Variants in DHCR24 observed in about 807,000 individuals in gnomAD.
The protein encoded by DHCR24 is delta(24)-sterol reductase.
DHCR24 carries 28 observed loss-of-function variants against 61.2 expected under a neutral mutation model. The ratio of observed to expected loss-of-function variants is 0.46; its 90% CI spans 0.34 to 0.63. DHCR24 has a LOEUF of 0.63. DHCR24 is among the 20% of genes least tolerant of loss of function. The pLI is 0.01. For synonymous variants in DHCR24, 261 were observed against 275.9 expected (o/e 0.95, Z 0.54); for missense variants, 538 against 679.1 (o/e 0.79, Z 2.31).
In DHCR24 at chr1:54,858,846, G is replaced by A. The variant is rs375894508; in HGVS notation, c.1021-4612C>T. ...AGATGGGGTTTCTCCATGTTGGTCA[G>A]GCTGGTCTCAAACTCCTGACCTCAG... is the stretch of plus-strand genomic sequence containing the variant. On this transcript the variant is annotated intron_variant, in intron 6 of 8. Coordinates refer to ENST00000371269, the MANE Select transcript of DHCR24 (RefSeq NM_014762.4). Among the ~76,000 whole-genome samples the A allele has an allele frequency of 2.6e-4, 39 of 152,244 alleles. No individual in the cohort carries two copies. In the East Asian group the frequency reaches 5.8e-3, roughly 23 times the overall value.
At position 54,882,461 on chromosome 1, in the gene DHCR24, C is replaced by T. The variant is rs187070118; in HGVS notation, c.387+1157G>A. ...TTCCTTAAAAAGTTAAATGTACACC[C>T]ACCTTATGATCTAGCCATTCCATTC... is the stretch of plus-strand genomic sequence containing the variant. On this transcript the variant is annotated intron_variant, in intron 2 of 8. Coordinates refer to ENST00000371269, the MANE Select transcript of DHCR24 (RefSeq NM_014762.4). Among the ~76,000 whole-genome samples, 466 of 152,316 alleles carry T rather than the reference C, an allele frequency of 3.1e-3. 1 individual carries two copies. The highest frequency in any genetic ancestry group is 0.011 in the African/African-American group (446 of 41,568).
At chr1:54,856,469 C>T (rs180817085) in intron 6 of DHCR24, among the ~76,000 whole-genome samples, 89 of 152,160 alleles carry the variant, frequency 5.8e-4, no homozygotes, top group African/African-American at 1.9e-3. Context: ...GGCGTGGTGG[C>T]GGGTGCGTGT....
rs137936687 is a variant in DHCR24, at chr1:54,874,589, T to A, written c.612+504A>T. ...CAATGACAAAATTGCCTACAACTTG[T>A]TTCTTATAACATATCCCTACTGTTC... On this transcript the variant is annotated intron_variant, in intron 4 of 8. Coordinates refer to ENST00000371269, the MANE Select transcript of DHCR24 (RefSeq NM_014762.4). 3.9e-4 allele frequency among the ~76,000 whole-genome samples: 60 copies of A among 152,300 alleles called. 1 individual carries two copies. The highest frequency in any genetic ancestry group is 1.7e-3 in the Admixed American group (26 of 15,298).
At chr1:54,877,098 G>A (rs1647037924) in intron 2 of DHCR24, among the ~76,000 whole-genome samples, 1 of 151,844 alleles carries the variant, frequency 6.6e-6, no homozygotes, top group African/African-American at 2.4e-5. Flanking sequence ...CTATCTCAGT[G>A]AGCAGAGGGA....
intron 5 of DHCR24, among the ~76,000 whole-genome samples, chr1:54,866,804 A>C (rs1646970664): frequency 6.6e-6 from 1 of 150,426 alleles, no homozygotes; most frequent in Non-Finnish European, 1.5e-5. Flanking sequence ...GCAGGGAGGA[A>C]ACTGGGGCTA....
intron 8 of DHCR24, among the ~76,000 whole-genome samples, chr1:54,852,620 A>G (rs1273261441): frequency 6.6e-6 from 1 of 152,172 alleles, no homozygotes; most frequent in Non-Finnish European, 1.5e-5. Flanking sequence ...TCAGGAGTAG[A>G]GCTCAGACTG....
chr1:54,883,598 C>T lies in DHCR24; in HGVS notation c.387+20G>A, dbSNP rs769587736. The T allele has an allele frequency of 3.1e-6, 5 of 1,614,070 alleles. No homozygotes were observed. Among genetic ancestry groups the T allele is most frequent in the Non-Finnish European group, 4.2e-6 (5 of 1,180,000 alleles). ...CAGTGCCCCACCTGCTCCCAGAGCCCGGAAAAGTGCTACTCTCACCTGTTT... is the reference window on the plus strand; with the variant it reads ...CAGTGCCCCACCTGCTCCCAGAGCCTGGAAAAGTGCTACTCTCACCTGTTT... On this transcript the variant is annotated intron_variant, in intron 2 of 8. Coordinates refer to ENST00000371269, the MANE Select transcript of DHCR24 (RefSeq NM_014762.4). This position sits in a 1 kb window ranked among gnomAD's most constrained non-coding sequence, Gnocchi z 4.3.
chr1:54,863,538 G>A (rs1456069668), intron 6 of DHCR24, among the ~76,000 whole-genome samples: 1 of 152,158 alleles, frequency 6.6e-6, no homozygotes, highest in Non-Finnish European at 1.5e-5. Flanking sequence ...CACCTGGATA[G>A]CTATAAGCAA....
chr1:54,883,343 G>C lies in DHCR24; in HGVS notation c.387+275C>G, dbSNP rs1397442893. Among the ~76,000 whole-genome samples, 2 of 152,224 alleles carry C rather than the reference G, an allele frequency of 1.3e-5. No individual in the cohort carries two copies. Among genetic ancestry groups the C allele is most frequent in the Non-Finnish European group, 2.9e-5 (2 of 68,052 alleles). ...ACACTTCCTTATCAGGAAGGGGTAA[G>C]TAGATTCCTTTTTGCCTCTCATTTT... On this transcript the variant is annotated intron_variant, in intron 2 of 8. Coordinates refer to ENST00000371269, the MANE Select transcript of DHCR24 (RefSeq NM_014762.4). This position sits in a 1 kb window ranked among gnomAD's most constrained non-coding sequence, Gnocchi z 4.3.
chr1:54,851,964 A>T lies in DHCR24; in HGVS notation c.*269T>A, dbSNP rs1257828242. The stretch of plus-strand genomic sequence containing the variant: ...AACTAATGAAGAGACCCGGGCTCAG[A>T]GGGGTTAAGGGACTCACCCAGAGTC... On this transcript the variant is annotated 3_prime_UTR_variant, in exon 9 of 9. Coordinates refer to ENST00000371269, the MANE Select transcript of DHCR24 (RefSeq NM_014762.4). 1 of 525,000 alleles carries T rather than the reference A, an allele frequency of 1.9e-6. No individual in the cohort carries two copies. Among genetic ancestry groups the T allele is most frequent in the Non-Finnish European group, 3.5e-6 (1 of 289,442 alleles). The allele number at this position is 525,000 out of a possible 1,614,324, so 32.5% of individuals were successfully genotyped here. A position where few individuals can be genotyped will look rare whatever the true frequency, so the allele number is the denominator to read the frequency against.
chr1:54,871,237 A>C, intron 5 of DHCR24, 113 bp downstream of exon 5: 2 of 1,362,792 alleles, frequency 1.5e-6, no homozygotes, highest in African/African-American at 1.4e-5. Context: ...GGGTTGACCC[A>C]GGCAGCAGCC....
rs747327620 is a variant in DHCR24, at chr1:54,853,500, C to T, written c.1331G>A (p.Arg444His). The change falls in exon 8 of 9, where the codon CGT (arginine) becomes CAT (histidine). Residue 444 changes from arginine to histidine, a missense_variant. Physicochemically the swap from Arg to His is conservative, Grantham distance 29. Transcript: ENST00000371269. ...YIDIGAYGEP[R>H]VKHFEARSCM... ...GGACCTGGCTTCAAAGTGTTTCACA[C>T]GCGGCTCCCCATATGCTCCAATGTC... is the stretch of plus-strand genomic sequence containing the variant. 2.9e-5 allele frequency: 47 copies of T among 1,614,110 alleles called. No homozygotes were observed. Among genetic ancestry groups the T allele is most frequent in the East Asian group, 1.6e-4 (7 of 44,896 alleles).
intron 4 of DHCR24, among the ~76,000 whole-genome samples, chr1:54,874,545 C>T (rs1370789935): frequency 1.3e-5 from 2 of 152,172 alleles, no homozygotes; most frequent in African/African-American, 2.4e-5. Flanking sequence ...TATGTAATTA[C>T]ACTCTTATGA....
At position 54,883,413 on chromosome 1, in the gene DHCR24, G is replaced by C. The variant is rs968967273; in HGVS notation, c.387+205C>G. Among the ~76,000 whole-genome samples the C allele has an allele frequency of 2.0e-5, 3 of 152,218 alleles. No individual in the cohort carries two copies. In the South Asian group the frequency reaches 6.2e-4, roughly 32 times the overall value. ...CCTGACTTCCTGTGGAAACGCAAAG[G>C]GTTCCCCTGACCTATTATGACCCAT... On this transcript the variant is annotated intron_variant, in intron 2 of 8. Coordinates refer to ENST00000371269, the MANE Select transcript of DHCR24 (RefSeq NM_014762.4). The surrounding 1 kb of genome is among the most constrained non-coding windows in gnomAD (Gnocchi z 4.3).
At position 54,851,042 on chromosome 1, in the gene DHCR24, T is replaced by G. The variant is rs1032094828; in HGVS notation, c.*1191A>C. The stretch of plus-strand genomic sequence containing the variant: ...GATAGAGTTGCATAAACAACCAAGC[T>G]TTGCGTTATAACAAGCCAGGGAAGG... On this transcript the variant is annotated 3_prime_UTR_variant, in exon 9 of 9. Coordinates refer to ENST00000371269, the MANE Select transcript of DHCR24 (RefSeq NM_014762.4). 1.3e-5 allele frequency: 2 copies of G among 152,556 alleles called. No homozygotes were observed. The highest frequency in any genetic ancestry group is 3.9e-4 in the East Asian group (2 of 5,186). The allele number at this position is 152,556 out of a possible 1,614,324, so 9.5% of individuals were successfully genotyped here.
chr1:54,881,016 G>A (rs1647061398), intron 2 of DHCR24, among the ~76,000 whole-genome samples: 1 of 152,146 alleles, frequency 6.6e-6, no homozygotes, highest in South Asian at 2.1e-4. Flanking sequence ...TGGGTGTGGT[G>A]GCACATGCCT....
In DHCR24 at chr1:54,850,694, G is replaced by A. The variant is rs1646870132; in HGVS notation, c.*1539C>T. Reference sequence around the variant, plus strand: ...ATCTTGAATGACAGATAATCCCCAAGTGTCCACTGGATCATTTTTCCTCTG... The same window carrying A: ...ATCTTGAATGACAGATAATCCCCAAATGTCCACTGGATCATTTTTCCTCTG... On this transcript the variant is annotated 3_prime_UTR_variant, in exon 9 of 9. Coordinates refer to ENST00000371269, the MANE Select transcript of DHCR24 (RefSeq NM_014762.4). 6.6e-6 allele frequency: 1 copy of A among 152,248 alleles called. No individual in the cohort carries two copies. The highest frequency in any genetic ancestry group is 2.1e-4 in the South Asian group (1 of 4,834). 9.4% of individuals were successfully genotyped at this position (152,248 alleles called of 1,614,324 possible). A position where few individuals can be genotyped will look rare whatever the true frequency, so the allele number is the denominator to read the frequency against.
intron 6 of DHCR24, among the ~76,000 whole-genome samples, chr1:54,863,876 A>C (rs1410196077): frequency 1.3e-5 from 2 of 152,242 alleles, no homozygotes; most frequent in Non-Finnish European, 2.9e-5. Flanking sequence ...ACCAAATTTT[A>C]AAAGGTGGCA....
Position 54,852,429 on chromosome 1 carries a change from G to A in DHCR24, c.1398-43C>T, listed in dbSNP as rs780145984. ...TGGGTGAGGACGCCAGGAGGCACAC[G>A]GAACGCGAGGCGTGAGAGAAACCCA... On this transcript the variant is annotated intron_variant, in intron 8 of 8. Transcript: ENST00000371269. 1.4e-5 allele frequency: 22 copies of A among 1,610,806 alleles called. No homozygotes were observed. The East Asian group carries it at 2.5e-4, about 18-fold the overall frequency.
Sources: gnomAD v4.1 joint callset for allele counts (sites outside exome capture counted in the v4.1 genomes callset) on GRCh38, gnomAD v4.1.1 for gene constraint, Gnocchi (gnomAD v3.1) non-coding constraint, MANE v1.5 for transcripts, NCBI Gene and HGNC (gene_info 2026-07-23, HGNC 2026-07-21) for gene names.